The following ATP6V0C variants were observed in gnomAD, a reference collection of about 807,000 sequenced individuals.
The protein encoded by ATP6V0C is V-type proton ATPase 16 kDa proteolipid subunit c.
A neutral mutation model predicts 10.6 loss-of-function variants in ATP6V0C; 2 were observed. The observed-to-expected ratio is 0.19, with a 90% CI of 0.08 to 0.59. The LOEUF is 0.59. Ranked by LOEUF, ATP6V0C falls within the 20% of genes least tolerant of loss-of-function variation. ATP6V0C has a pLI of 0.90. For missense variants in ATP6V0C, 89 were observed against 225.9 expected, an observed-to-expected ratio of 0.39 and a Z score of 3.88; for synonymous variants, 128 against 101.3, an observed-to-expected ratio of 1.26 and a Z score of -1.59.
chr16:2,520,208 C>G lies in ATP6V0C; in HGVS notation c.*463C>G, dbSNP rs1294874866. Reference sequence around the variant, plus strand: ...GCGCGGAGCTGTGTCCAATAAAGTTCTTGGATGTGACGGGCCTGTGTCTGC... The same window carrying G: ...GCGCGGAGCTGTGTCCAATAAAGTTGTTGGATGTGACGGGCCTGTGTCTGC... On this transcript the variant is annotated 3_prime_UTR_variant, in exon 3 of 3. Transcript: ENST00000330398. The G allele has an allele frequency of 4.6e-6, 2 of 433,664 alleles. No individual in the cohort carries two copies. The highest frequency in any genetic ancestry group is 4.1e-6 in the Non-Finnish European group (1 of 245,048). 26.9% of individuals were successfully genotyped at this position (433,664 alleles called of 1,614,324 possible).
chr16:2,517,885 C>T (rs1374319688), intron 1 of ATP6V0C: 1 of 152,218 alleles, frequency 6.6e-6, no homozygotes, highest in Non-Finnish European at 1.5e-5. Context: ...CCTGCCTCAG[C>T]CTCCCTAGTA....
intron 2 of ATP6V0C, 29 bp downstream of exon 2, chr16:2,519,430 G>A: frequency 3.8e-6 from 6 of 1,595,040 alleles, no homozygotes; most frequent in Non-Finnish European, 5.1e-6. Context: ...CCCCTGCCCA[G>A]GGCTGGAGGA....
At chr16:2,513,937 C>G (rs919539960), upstream of ATP6V0C, 4 of 586,678 alleles carry the variant, frequency 6.8e-6, no homozygotes, top group Admixed American at 3.6e-5. Context: ...GTGACGCGGC[C>G]GCGGCCGCCA....
chr16:2,515,797 G>A (rs1028685902), intron 1 of ATP6V0C, among the ~76,000 whole-genome samples: 3 of 152,192 alleles, frequency 2.0e-5, no homozygotes, highest in African/African-American at 7.2e-5. Flanking sequence ...TGGTAGGACA[G>A]CAGTGAACAA....
chr16:2,515,441 G>A (rs570002711), intron 1 of ATP6V0C, among the ~76,000 whole-genome samples: 91 of 152,348 alleles, frequency 6.0e-4, no homozygotes, highest in African/African-American at 1.7e-3. Context: ...CACCTGTGGG[G>A]TGGGGGCTTG....
At position 2,520,136 on chromosome 16, in the gene ATP6V0C, T is replaced by C. The variant is rs1321103999; in HGVS notation, c.*391T>C. ...GTGTCGCCTTGTGGGTTCCTGTTGC[T>C]GAGACTTCCTGGATGGAGCCGCCCT... On this transcript the variant is annotated 3_prime_UTR_variant, in exon 3 of 3. Transcript: ENST00000330398. The C allele has an allele frequency of 3.6e-6, 2 of 555,406 alleles. No homozygotes were observed. Among genetic ancestry groups the C allele is most frequent in the East Asian group, 3.7e-5 (1 of 27,348 alleles). The allele number at this position is 555,406 out of a possible 1,614,324, so 34.4% of individuals were successfully genotyped here. A position where few individuals can be genotyped will look rare whatever the true frequency, so the allele number is the denominator to read the frequency against.
In ATP6V0C at chr16:2,520,072, G is replaced by T. The variant is rs1034965346; in HGVS notation, c.*327G>T. On this transcript the variant is annotated 3_prime_UTR_variant, in exon 3 of 3. Coordinates refer to ENST00000330398, the MANE Select transcript of ATP6V0C (RefSeq NM_001694.4). ...TCTGGCCTGTTCCTGCGTCTGCGGA[G>T]CGGCCCTTGTCTCCCAGCTATCTAT... is the stretch of plus-strand genomic sequence containing the variant. The T allele has an allele frequency of 6.4e-6, 4 of 623,030 alleles. No homozygotes were observed. The highest frequency in any genetic ancestry group is 5.4e-5 in the African/African-American group (3 of 55,350). 38.6% of individuals were successfully genotyped at this position (623,030 alleles called of 1,614,324 possible).
intron 1 of ATP6V0C, among the ~76,000 whole-genome samples, chr16:2,514,554 G>C (rs2065867348): frequency 6.6e-6 from 1 of 151,856 alleles, no homozygotes; most frequent in Non-Finnish European, 1.5e-5. Context: ...CCGATTCTGC[G>C]GGCAGGTGAC....
Position 2,514,123 on chromosome 16 carries a change from G to A in ATP6V0C, c.20G>A (p.Gly7Asp), listed in dbSNP as rs1211973431. 1 of 1,587,038 alleles carries A rather than the reference G, an allele frequency of 6.3e-7. No homozygotes were observed. Among genetic ancestry groups the A allele is most frequent in the Non-Finnish European group, 8.6e-7 (1 of 1,167,806 alleles). The change falls in exon 1 of 3, where the codon GGC becomes GAC. Residue 7 changes from glycine to aspartate, a missense_variant. Gly to Asp is a moderately conservative substitution (Grantham distance 94). Coordinates refer to ENST00000330398, the MANE Select transcript of ATP6V0C (RefSeq NM_001694.4). ...GCAGACATGTCCGAGTCCAAGAGCG[G>A]CCCCGAGTATGCTTCGTTTTTCGCC... MSESKS[G>D]PEYASFFAVM...
intron 1 of ATP6V0C, chr16:2,516,677 C>G (rs373960305): frequency 6.6e-6 from 1 of 152,484 alleles, no homozygotes; most frequent in Non-Finnish European, 1.5e-5. Flanking sequence ...CCTGTTCTTT[C>G]TTCATCATGT....
intron 2 of ATP6V0C, 64 bp from the exon 3 acceptor site, chr16:2,519,477 C>T: frequency 1.3e-6 from 2 of 1,552,264 alleles, no homozygotes; most frequent in Non-Finnish European, 8.7e-7. Context: ...TGGGTGGTGA[C>T]CCGGACCCTT....
At chr16:2,515,718 G>A (rs940103103) in intron 1 of ATP6V0C, among the ~76,000 whole-genome samples, 2 of 152,192 alleles carry the variant, frequency 1.3e-5, no homozygotes, top group Non-Finnish European at 2.9e-5. Flanking sequence ...CACCTGTGGG[G>A]TATTAGCTTG....
At position 2,519,207 on chromosome 16, in the gene ATP6V0C, T is replaced by A; in HGVS notation, c.80-11T>A. 20 of 1,604,698 alleles carry A rather than the reference T, an allele frequency of 1.2e-5. No homozygotes were observed. The highest frequency in any genetic ancestry group is 1.7e-5 in the Non-Finnish European group (20 of 1,174,326). Reference sequence around the variant, plus strand: ...GTACTGCTGTGGGCTCACCCCGCCTTCCTCCCACAGCCCTGGGCGCTGCCT... The same window carrying A: ...GTACTGCTGTGGGCTCACCCCGCCTACCTCCCACAGCCCTGGGCGCTGCCT... On this transcript the variant is annotated splice_polypyrimidine_tract_variant and intron_variant, in intron 1 of 2. Transcript: ENST00000330398.
At chr16:2,515,101 AG>A (rs2065870807) in intron 1 of ATP6V0C, among the ~76,000 whole-genome samples, 1 of 151,654 alleles carries the variant, frequency 6.6e-6, no homozygotes, top group African/African-American at 2.4e-5. Flanking sequence ...GGCTTGGAGA[AG>A]GGGCCTTCTA....
chr16:2,519,086 G>A, intron 1 of ATP6V0C, 132 bp from the exon 2 acceptor site: 1 of 1,088,594 alleles, frequency 9.2e-7, no homozygotes, highest in East Asian at 2.8e-5. Context: ...TGGGCTGGAT[G>A]CCTTCTTCGG....
In ATP6V0C at chr16:2,519,865, G is replaced by A. The variant is rs2141893651; in HGVS notation, c.*120G>A. The A allele has an allele frequency of 1.5e-6, 2 of 1,319,270 alleles. No individual in the cohort carries two copies. The highest frequency in any genetic ancestry group is 1.2e-5 in the South Asian group (1 of 82,832). 81.7% of individuals were successfully genotyped at this position (1,319,270 alleles called of 1,614,324 possible). ...GCCCCCAGTAGTTGGTCTTGTACAT[G>A]CGCAGTGTCCTAGTGCCCATCGTCT... On this transcript the variant is annotated 3_prime_UTR_variant, in exon 3 of 3. Transcript: ENST00000330398.
rs923765554 is a variant in ATP6V0C at position 2,519,804 on chromosome 16, A to G, written c.*59A>G. On this transcript the variant is annotated 3_prime_UTR_variant, in exon 3 of 3. Coordinates refer to ENST00000330398, the MANE Select transcript of ATP6V0C (RefSeq NM_001694.4). ...TGTAAAGACCACCCCTCCTCATTCCAGAACGAACAGCCTGACACATACGCA... is the reference window on the plus strand; with the variant it reads ...TGTAAAGACCACCCCTCCTCATTCCGGAACGAACAGCCTGACACATACGCA... The G allele has an allele frequency of 1.0e-4, 161 of 1,575,920 alleles. No individual in the cohort carries two copies. Among genetic ancestry groups the G allele is most frequent in the Non-Finnish European group, 1.2e-4 (139 of 1,152,328 alleles).
At chr16:2,514,287 G>C (rs2065865708) in intron 1 of ATP6V0C, 105 bp downstream of exon 1, 2 of 1,241,384 alleles carry the variant, frequency 1.6e-6, no homozygotes, top group African/African-American at 1.6e-5. Flanking sequence ...GTAATCCCGA[G>C]CTGTCGGGGG....
At chr16:2,516,455 A>G (rs2065877657) in intron 1 of ATP6V0C, among the ~76,000 whole-genome samples, 1 of 152,140 alleles carries the variant, frequency 6.6e-6, no homozygotes, top group African/African-American at 2.4e-5. Flanking sequence ...GCTTTCCTCC[A>G]GGACCTGGCT....
Sources: gnomAD v4.1 joint callset for allele counts (sites outside exome capture counted in the v4.1 genomes callset) on GRCh38, gnomAD v4.1.1 for gene constraint, MANE v1.5 for transcripts, NCBI Gene and HGNC (gene_info 2026-07-23, HGNC 2026-07-21) for gene names.